Variants in RBM6 observed in about 807,000 individuals in gnomAD.
RBM6 encodes RNA binding motif protein 6, also known as RNA-binding protein 6.
A neutral mutation model predicts 140.4 loss-of-function variants in RBM6; 23 were observed. That is an observed-to-expected ratio of 0.16 (90% confidence interval 0.12 to 0.23). RBM6 has a LOEUF of 0.23. RBM6 is among the 10% of genes least tolerant of loss of function. The pLI, the probability that RBM6 is intolerant of heterozygous loss-of-function variation, is 1.00. For missense variants in RBM6, 1,139 were observed against 1,386.7 expected (o/e 0.82, Z 2.84); for synonymous variants, 439 against 475.6 (o/e 0.92, Z 1.00).
At chr3:50,033,797 A>G (rs1437491066) in intron 6 of RBM6, among the ~76,000 whole-genome samples, 4 of 152,116 alleles carry the variant, frequency 2.6e-5, no homozygotes, top group Non-Finnish European at 4.4e-5. Context: ...GCATACCACC[A>G]CGCCCAGCTA....
At chr3:49,956,695 C>T (rs1018167000) in intron 1 of RBM6, among the ~76,000 whole-genome samples, 2 of 150,554 alleles carry the variant, frequency 1.3e-5, no homozygotes, top group African/African-American at 4.9e-5. Context: ...GACGGAGTTT[C>T]GTTCTTGTTG....
rs1474153876 is a variant in RBM6 at position 50,066,453 on chromosome 3, C to T, written c.2894C>T (p.Pro965Leu). ...TGTCTGCTTTGCAGAAGGCAGTTTC[C>T]CAATAAAGAAGTTCTGATCAAACAC... ...LACLLCRRQFPNKEVLIKHQQ... is the reference protein window; with the variant it reads ...LACLLCRRQFLNKEVLIKHQQ... The change falls in exon 17 of 21, where the codon CCC becomes CTC. Residue 965 changes from proline (P) to leucine (L), a missense_variant. Pro to Leu is a moderately conservative substitution (Grantham distance 98, BLOSUM62 -3). Around this residue, in one of 9 missense-constraint regions of RBM6, gnomAD observed 40 missense variants for 80.1 expected, o/e 0.50. Coordinates refer to ENST00000266022, the MANE Select transcript of RBM6 (RefSeq NM_005777.3). The T allele has an allele frequency of 6.2e-7, 1 of 1,613,762 alleles. No individual in the cohort carries two copies. The highest frequency in any genetic ancestry group is 2.2e-5 in the East Asian group (1 of 44,892).
Position 49,967,775 on chromosome 3 carries a change from G to A in RBM6, c.350G>A (p.Gly117Asp). ...SRDSSQLDFR[G>D]RDIHSGDFRD... Reference sequence around the variant, plus strand: ...GATTCATCACAGTTGGACTTCAGGGGTAGGGACATACATTCTGGGGATTTT... The same window carrying A: ...GATTCATCACAGTTGGACTTCAGGGATAGGGACATACATTCTGGGGATTTT... The change falls in exon 3 of 21, where the codon GGT becomes GAT. Residue 117 changes from glycine to aspartate, a missense_variant. Physicochemically the swap from Gly to Asp is moderately conservative, Grantham distance 94. Coordinates refer to ENST00000266022, the MANE Select transcript of RBM6 (RefSeq NM_005777.3). The surrounding 1 kb of genome is among the most constrained non-coding windows in gnomAD (Gnocchi z 4.0). 7 of 1,614,136 alleles carry A rather than the reference G, an allele frequency of 4.3e-6. No individual in the cohort carries two copies. Among genetic ancestry groups the A allele is most frequent in the Non-Finnish European group, 5.9e-6 (7 of 1,180,030 alleles).
chr3:50,057,352 C>T lies in RBM6; in HGVS notation c.1694-376C>T, dbSNP rs189547704. ...CTGTAATCCCAGCACTCTGGGAGGC[C>T]GAGGCAAGTGGATCACCTGAGGTCA... On this transcript the variant is annotated intron_variant, in intron 8 of 20. Transcript: ENST00000266022. Among the ~76,000 whole-genome samples, 218 of 151,996 alleles carry T rather than the reference C, an allele frequency of 1.4e-3. 2 individuals carry two copies. In the South Asian group the frequency reaches 0.017, roughly 12 times the overall value.
At position 49,967,720 on chromosome 3, in the gene RBM6, G is replaced by C. The variant is rs1559533798; in HGVS notation, c.295G>C (p.Asp99His). 3 of 1,614,004 alleles carry C rather than the reference G, an allele frequency of 1.9e-6. No individual in the cohort carries two copies. The African/African-American group carries it at 4.0e-5, about 22-fold the overall frequency. The change falls in exon 3 of 21, where the codon GAT becomes CAT. Residue 99 changes from aspartate (D) to histidine (H), a missense_variant. Physicochemically the swap from Asp to His is moderately conservative, Grantham distance 81. Coordinates refer to ENST00000266022, the MANE Select transcript of RBM6 (RefSeq NM_005777.3). This position sits in a 1 kb window ranked among gnomAD's most constrained non-coding sequence, Gnocchi z 4.0. ...ACCTGGACATGATTTCAGGGGGGGA[G>C]ATTTTTCGTCTTCTGATTTCCAGAG... ...EGPGHDFRGGDFSSSDFQSRD... is the reference protein window; with the variant it reads ...EGPGHDFRGGHFSSSDFQSRD...
chr3:50,012,169 C>T (rs562250747), intron 6 of RBM6, among the ~76,000 whole-genome samples: 1 of 152,018 alleles, frequency 6.6e-6, no homozygotes, highest in African/African-American at 2.4e-5. Context: ...TTTTCATTAC[C>T]TCAATCGGAT....
intron 5 of RBM6, among the ~76,000 whole-genome samples, chr3:49,989,323 C>A (rs1462204962): frequency 6.6e-6 from 1 of 152,078 alleles, no homozygotes; most frequent in Admixed American, 6.5e-5. Context: ...GCCTGTAATG[C>A]CAGCACTTTG....
intron 8 of RBM6, among the ~76,000 whole-genome samples, chr3:50,057,109 G>A (rs1387469266): frequency 1.3e-5 from 2 of 152,312 alleles, no homozygotes; most frequent in Middle Eastern, 3.4e-3. Context: ...GGTTCAAGGT[G>A]TCATGAAGGA....
intron 1 of RBM6, among the ~76,000 whole-genome samples, 164 bp from the exon 2 acceptor site, chr3:49,962,412 A>G (rs1050284336): frequency 6.6e-5 from 10 of 151,832 alleles, no homozygotes; most frequent in South Asian, 2.1e-4. Context: ...AGCCTGGGCG[A>G]CAGAGCGAGA....
chr3:49,975,445 T>C, intron 5 of RBM6, 53 bp downstream of exon 5: 1 of 1,416,796 alleles, frequency 7.1e-7, no homozygotes, highest in Non-Finnish European at 9.9e-7. Context: ...CTTTGTCAGA[T>C]CTCTGCATCA....
intron 1 of RBM6, among the ~76,000 whole-genome samples, chr3:49,955,814 A>G (rs1261967871): frequency 6.6e-6 from 1 of 150,538 alleles, no homozygotes; most frequent in African/African-American, 2.4e-5. Flanking sequence ...CCTGGGTGTC[A>G]AGCAAAACTC....
intron 2 of RBM6, among the ~76,000 whole-genome samples, chr3:49,965,755 A>G (rs748678535): frequency 5.9e-5 from 9 of 152,130 alleles, no homozygotes; most frequent in Admixed American, 3.9e-4. Flanking sequence ...GGGTCAGTGG[A>G]AGTCATCATG....
intron 15 of RBM6, 48 bp from the exon 16 acceptor site, chr3:50,064,981 TCA>T (rs761098219): frequency 7.5e-5 from 111 of 1,488,920 alleles, no homozygotes; most frequent in Non-Finnish European, 1.0e-4. Context: ...CCAGCCTTTA[TCA>T]GTTATTATGA....
At chr3:50,037,070 A>G (rs2088586101) in intron 6 of RBM6, among the ~76,000 whole-genome samples, 1 of 151,916 alleles carries the variant, frequency 6.6e-6, no homozygotes, top group Non-Finnish European at 1.5e-5. Flanking sequence ...TAGTCTTGGT[A>G]CTTCTAAGTG....
At chr3:49,991,748 A>C (rs2085837054) in intron 5 of RBM6, among the ~76,000 whole-genome samples, 1 of 151,862 alleles carries the variant, frequency 6.6e-6, no homozygotes, top group Non-Finnish European at 1.5e-5. Context: ...AACCTCATGT[A>C]CCTTAGCTCA....
intron 5 of RBM6, among the ~76,000 whole-genome samples, chr3:49,993,687 T>G (rs568503986): frequency 7.4e-4 from 111 of 150,102 alleles, no homozygotes; most frequent in African/African-American, 2.5e-3. Flanking sequence ...TATATCTTCC[T>G]TTTTTCATTT....
chr3:50,032,390 A>C (rs942771493), intron 6 of RBM6, among the ~76,000 whole-genome samples: 26 of 151,238 alleles, frequency 1.7e-4, no homozygotes, highest in African/African-American at 5.8e-4. Context: ...AGGCTGAGGC[A>C]GGAGAATTGG....
chr3:50,052,940 T>C (rs1293943436), intron 7 of RBM6, among the ~76,000 whole-genome samples: 1 of 151,294 alleles, frequency 6.6e-6, no homozygotes, highest in East Asian at 1.9e-4. Context: ...AGAGGAAGTA[T>C]ACTCACCCTG....
chr3:49,956,018 G>A (rs2083970793), intron 1 of RBM6, among the ~76,000 whole-genome samples: 1 of 148,432 alleles, frequency 6.7e-6, no homozygotes, highest in African/African-American at 2.5e-5. Context: ...TTTTTTGGTA[G>A]TGAAAAAAAA....
Sources: gnomAD v4.1 joint callset for allele counts (sites outside exome capture counted in the v4.1 genomes callset) on GRCh38, gnomAD v4.1.1 for gene constraint, gnomAD v4.1.1 regional missense constraint, Gnocchi (gnomAD v3.1) non-coding constraint, MANE v1.5 for transcripts, NCBI Gene and HGNC (gene_info 2026-07-23, HGNC 2026-07-21) for gene names.